PCDHA6: variants seen among roughly 807,000 people sequenced by gnomAD.
PCDHA6 encodes the protein protocadherin alpha 6, also known as protocadherin alpha-6.
PCDHA6 carries 55 observed loss-of-function variants against 60.3 expected under a neutral mutation model. The ratio of observed to expected loss-of-function variants is 0.91; its 90% confidence interval spans 0.73 to 1.14. PCDHA6 has a LOEUF of 1.14. PCDHA6 is among the 50% of genes most tolerant of loss of function. The probability of loss-of-function intolerance (pLI) is 0.00; values close to 1 mark genes in which losing one functional copy is unlikely to be tolerated. For synonymous variants in PCDHA6, 652 were observed against 557.9 expected (o/e 1.17, Z -2.38); for missense variants, 1,327 against 1,256.5 (o/e 1.06, Z -0.85).
intron 1 of PCDHA6, chr5:140,851,364 T>A (rs1293968731): frequency 6.1e-6 from 6 of 975,758 alleles, no homozygotes; most frequent in African/African-American, 1.8e-5. Flanking sequence ...ACTGTGAACA[T>A]CTGATTGTTC....
chr5:140,966,710 G>A, intron 1 of PCDHA6: 1 of 1,391,664 alleles, frequency 7.2e-7, no homozygotes, highest in Non-Finnish European at 9.3e-7. Flanking sequence ...GTGGGGCACG[G>A]CTGGGGAAGC....
At chr5:140,987,824 G>A (rs1032765154) in intron 3 of PCDHA6, among the ~76,000 whole-genome samples, 1 of 151,972 alleles carries the variant, frequency 6.6e-6, no homozygotes, top group Non-Finnish European at 1.5e-5. Flanking sequence ...TGTTTCCTTA[G>A]GGGATTGCTT....
In PCDHA6 at chr5:140,993,460, TCTCACACA is replaced by T. The variant is rs782648313; in HGVS notation, c.2542+10899_2542+10906del. Among the ~76,000 whole-genome samples, 169 of 104,562 alleles carry T rather than the reference TCTCACACA, an allele frequency of 1.6e-3. 1 individual carries two copies. Among genetic ancestry groups the T allele is most frequent in the East Asian group, 0.012 (43 of 3,448 alleles). 68.6% of individuals were successfully genotyped at this position (104,562 alleles called of 152,430 possible). On this transcript the variant is annotated intron_variant, in intron 3 of 3. Coordinates refer to ENST00000529310, the MANE Select transcript of PCDHA6 (RefSeq NM_018909.4). ...TTCATTCCTGTTCTCCTTCTTTCTT[TCTCACACA>T]CACACACACACACACACACACACAC...
chr5:140,959,413 T>G (rs1328731924), intron 1 of PCDHA6, among the ~76,000 whole-genome samples: 1 of 152,152 alleles, frequency 6.6e-6, no homozygotes, highest in Admixed American at 6.6e-5. Context: ...TGTTGATTGA[T>G]CTGAGAATTT....
rs1397274162 is a variant in PCDHA6, at chr5:140,845,104, T to G, written c.2394+14619T>G. 8.0e-5 allele frequency among the ~76,000 whole-genome samples: 12 copies of G among 149,722 alleles called. 2 individuals are homozygous for G. In the Admixed American group the frequency reaches 8.0e-4, roughly 10 times the overall value. On this transcript the variant is annotated intron_variant, in intron 1 of 3. Transcript: ENST00000529310. ...GTAGTTTATTTTACAGTTCTCTTAA[T>G]GCCTGTCCATGTTTAGCATTTTATT... is the stretch of plus-strand genomic sequence containing the variant.
intron 1 of PCDHA6, chr5:140,871,314 G>A (rs199741530): frequency 6.2e-7 from 1 of 1,614,048 alleles, no homozygotes; most frequent in East Asian, 2.2e-5. Context: ...GGAAGCCCAC[G>A]CTGGTGTGCT....
At chr5:140,932,028 G>T (rs1299372751) in intron 1 of PCDHA6, among the ~76,000 whole-genome samples, 1 of 151,864 alleles carries the variant, frequency 6.6e-6, no homozygotes, top group African/African-American at 2.4e-5. Context: ...TAAGTTTACA[G>T]TATATATTAA....
At chr5:140,940,705 C>T (rs2092669255) in intron 1 of PCDHA6, among the ~76,000 whole-genome samples, 1 of 152,170 alleles carries the variant, frequency 6.6e-6, no homozygotes, top group Non-Finnish European at 1.5e-5. Context: ...AAGTGTATAC[C>T]TGCTGTGTGC....
At chr5:140,887,072 C>T (rs1270434147) in intron 1 of PCDHA6, among the ~76,000 whole-genome samples, 1 of 151,836 alleles carries the variant, frequency 6.6e-6, no homozygotes, top group African/African-American at 2.4e-5. Context: ...CAAATTCACT[C>T]AGCTTTTGTC....
chr5:140,945,496 A>G (rs2093798194), intron 1 of PCDHA6, among the ~76,000 whole-genome samples: 1 of 152,142 alleles, frequency 6.6e-6, no homozygotes, highest in South Asian at 2.1e-4. Context: ...TACCCAAAGC[A>G]ATATTGAGCA....
rs2150356051 is a variant in PCDHA6, at chr5:140,843,257, C to A, written c.2394+12772C>A. On this transcript the variant is annotated intron_variant, in intron 1 of 3. Coordinates refer to ENST00000529310, the MANE Select transcript of PCDHA6 (RefSeq NM_018909.4). ...GGACGAAGCGGACTCTCCGCGCCAC[C>A]GTCTGCTGGTCCTGGTGAAGGATCA... 1.1e-5 allele frequency: 18 copies of A among 1,596,054 alleles called. 1 individual carries two copies. Among genetic ancestry groups the A allele is most frequent in the Non-Finnish European group, 1.5e-5 (18 of 1,165,602 alleles).
chr5:140,996,136 C>A (rs1484642740), intron 3 of PCDHA6, among the ~76,000 whole-genome samples: 1 of 152,104 alleles, frequency 6.6e-6, no homozygotes, highest in African/African-American at 2.4e-5. Context: ...GAGGGTTCTC[C>A]CATTATCTTG....
At position 140,897,120 on chromosome 5, in the gene PCDHA6, C is replaced by T. The variant is rs116233032; in HGVS notation, c.2394+66635C>T. Among the ~76,000 whole-genome samples, 1,215 of 152,248 alleles carry T rather than the reference C, an allele frequency of 8.0e-3. 5 individuals are homozygous for T. The highest frequency in any genetic ancestry group is 0.019 in the African/African-American group (784 of 41,540). On this transcript the variant is annotated intron_variant, in intron 1 of 3. Coordinates refer to ENST00000529310, the MANE Select transcript of PCDHA6 (RefSeq NM_018909.4). ...TAAAAATCTCCACTTTCTGTCCACA[C>T]CCCACTAAACTTTCTAGCCTTTGTT... is the stretch of plus-strand genomic sequence containing the variant.
chr5:140,958,915 G>T (rs1162016056), intron 1 of PCDHA6, among the ~76,000 whole-genome samples: 13 of 150,674 alleles, frequency 8.6e-5, no homozygotes, highest in Non-Finnish European at 1.8e-4. Flanking sequence ...AAGTCTGCCT[G>T]GGTGTGGTGG....
chr5:140,856,274 G>T, intron 1 of PCDHA6: 1 of 1,598,358 alleles, frequency 6.3e-7, no homozygotes, highest in Non-Finnish European at 8.6e-7. Context: ...CCTTCTGGAG[G>T]TAAATCTGCA....
chr5:140,859,141 A>T (rs1275943443), intron 1 of PCDHA6: 1 of 150,200 alleles, frequency 6.7e-6, no homozygotes, highest in African/African-American at 2.4e-5. Context: ...ACATAATTTT[A>T]TCCAGTAGCT....
intron 1 of PCDHA6, among the ~76,000 whole-genome samples, chr5:140,920,853 A>C (rs375783359): frequency 1.3e-5 from 2 of 152,062 alleles, no homozygotes; most frequent in African/African-American, 4.8e-5. Flanking sequence ...AAAAAAAAAA[A>C]AAAAACAAAC....
chr5:140,928,228 C>A (rs376517088), intron 1 of PCDHA6: 2 of 1,614,218 alleles, frequency 1.2e-6, no homozygotes, highest in Admixed American at 1.7e-5. Context: ...ACCAAACTTT[C>A]CTCAACCCCA....
chr5:140,907,109 C>T (rs6883830), intron 1 of PCDHA6, among the ~76,000 whole-genome samples: 5,598 of 152,160 alleles, frequency 0.037, 292 homozygotes, highest in African/African-American at 0.12. Flanking sequence ...CCACTTCCAC[C>T]CCTTGATTCC....
Sources: allele counts gnomAD v4.1 joint callset (sites outside exome capture counted in the v4.1 genomes callset), GRCh38; gene constraint gnomAD v4.1.1; transcripts MANE v1.5; gene names NCBI Gene and HGNC (gene_info 2026-07-23, HGNC 2026-07-21).